Variants in SMOC2 observed in about 807,000 individuals in gnomAD.
The protein encoded by SMOC2 is SPARC related modular calcium binding 2.
In SMOC2, 39 loss-of-function variants were observed where a neutral mutation model predicts 61.4. The ratio of observed to expected loss-of-function variants is 0.64; its 90% CI spans 0.49 to 0.83. The LOEUF is 0.83. SMOC2 is among the 40% of genes least tolerant of loss of function. The pLI is 0.00. For synonymous variants in SMOC2, 247 were observed against 239.9 expected, an observed-to-expected ratio of 1.03 and a Z score of -0.27; for missense variants, 556 against 592.9, an observed-to-expected ratio of 0.94 and a Z score of 0.65.
intron 9 of SMOC2, among the ~76,000 whole-genome samples, chr6:168,624,503 A>T (rs1786331825): frequency 6.6e-6 from 1 of 152,202 alleles, no homozygotes; most frequent in African/African-American, 2.4e-5. Flanking sequence ...GCACAAAGAC[A>T]CACAGACACA....
At chr6:168,518,810 T>A (rs1422176340) in intron 2 of SMOC2, among the ~76,000 whole-genome samples, 1 of 145,010 alleles carries the variant, frequency 6.9e-6, no homozygotes, top group Non-Finnish European at 1.5e-5. Context: ...TGTGTGTGAA[T>A]GCATGTTTAT....
chr6:168,603,612 C>T lies in SMOC2; in HGVS notation c.825-4545C>T, dbSNP rs531467278. On this transcript the variant is annotated intron_variant, in intron 8 of 12. Coordinates refer to ENST00000356284, the MANE Select transcript of SMOC2 (RefSeq NM_001166412.2). ...AAAACAGGTACAGTCCATGCTTCCACGGAGCCTGCATGATAATGGGAAGAT... is the reference window on the plus strand; with the variant it reads ...AAAACAGGTACAGTCCATGCTTCCATGGAGCCTGCATGATAATGGGAAGAT... 2.6e-5 allele frequency among the ~76,000 whole-genome samples: 4 copies of T among 152,136 alleles called. No homozygotes were observed. The East Asian group carries it at 5.8e-4, about 22-fold the overall frequency.
chr6:168,471,558 C>T (rs1381492462), intron 1 of SMOC2, among the ~76,000 whole-genome samples: 2 of 152,156 alleles, frequency 1.3e-5, no homozygotes, highest in Non-Finnish European at 1.5e-5. Context: ...TCAGTTCTCA[C>T]GGATATATAC....
chr6:168,476,744 A>G (rs999960218), intron 1 of SMOC2, among the ~76,000 whole-genome samples: 1 of 152,106 alleles, frequency 6.6e-6, no homozygotes, highest in East Asian at 1.9e-4. Context: ...ATTGCAGAGA[A>G]CAACATTGTA....
chr6:168,613,610 T>C (rs78875727), intron 9 of SMOC2, among the ~76,000 whole-genome samples: 35,426 of 141,812 alleles, frequency 0.25, 4,481 homozygotes, highest in East Asian at 0.26. Context: ...CCTCTTCACA[T>C]CTACAGCCAG....
At chr6:168,589,154 C>T (rs938552068) in intron 7 of SMOC2, among the ~76,000 whole-genome samples, 25 of 151,154 alleles carry the variant, frequency 1.7e-4, no homozygotes, top group African/African-American at 4.9e-4. Context: ...CTAAACTAGA[C>T]GTGAATTATG....
chr6:168,441,273 A>G lies in SMOC2; in HGVS notation c.-98A>G. 7.2e-7 allele frequency: 1 copy of G among 1,381,906 alleles called. No homozygotes were observed. Among genetic ancestry groups the G allele is most frequent in the Non-Finnish European group, 9.3e-7 (1 of 1,078,166 alleles). The allele number at this position is 1,381,906 out of a possible 1,614,324, so 85.6% of individuals were successfully genotyped here. A position where few individuals can be genotyped will look rare whatever the true frequency, so the allele number is the denominator to read the frequency against. On this transcript the variant is annotated 5_prime_UTR_variant, in exon 1 of 13. Transcript: ENST00000356284. ...GAGAGCATCGCGGAGCCGCCCCTCCACGCGCCCGCCCAGCCGCGCTCGCCC... is the reference window on the plus strand; with the variant it reads ...GAGAGCATCGCGGAGCCGCCCCTCCGCGCGCCCGCCCAGCCGCGCTCGCCC...
chr6:168,492,255 G>T (rs1782486380), intron 1 of SMOC2, among the ~76,000 whole-genome samples: 1 of 152,138 alleles, frequency 6.6e-6, no homozygotes, highest in Non-Finnish European at 1.5e-5. Flanking sequence ...CCGTTGGCTG[G>T]CCCCATCCTC....
intron 9 of SMOC2, among the ~76,000 whole-genome samples, chr6:168,624,753 TCACAGACACATGCA>T (rs1786349728): frequency 1.0e-5 from 1 of 95,474 alleles, no homozygotes; most frequent in Non-Finnish European, 2.2e-5. Context: ...TCACACACAC[TCACAGACACATGCA>T]CACAGACACA....
intron 11 of SMOC2, among the ~76,000 whole-genome samples, chr6:168,663,264 A>G (rs1024223075): frequency 1.3e-5 from 2 of 152,188 alleles, no homozygotes; most frequent in African/African-American, 4.8e-5. Flanking sequence ...TTTCCCAGGA[A>G]GCTCCGCTGT....
At chr6:168,637,964 C>T (rs377747313) in intron 9 of SMOC2, among the ~76,000 whole-genome samples, 7 of 152,088 alleles carry the variant, frequency 4.6e-5, no homozygotes, top group South Asian at 4.2e-4. Flanking sequence ...GGGAGCCAGG[C>T]GTGCCCCTGC....
intron 7 of SMOC2, among the ~76,000 whole-genome samples, chr6:168,560,094 G>A (rs562793518): frequency 1.3e-5 from 2 of 152,292 alleles, no homozygotes; most frequent in African/African-American, 4.8e-5. Context: ...TAAAAAGACA[G>A]CTTTATGTTT....
chr6:168,467,366 G>C (rs1006542902), intron 1 of SMOC2, among the ~76,000 whole-genome samples: 5 of 151,624 alleles, frequency 3.3e-5, no homozygotes, highest in African/African-American at 1.2e-4. Context: ...GAGTGCAGTG[G>C]AGCAATCTCA....
chr6:168,609,958 T>C (rs906788003), intron 9 of SMOC2, among the ~76,000 whole-genome samples: 3 of 152,250 alleles, frequency 2.0e-5, no homozygotes, highest in Non-Finnish European at 4.4e-5. Context: ...GGCTGGCTTC[T>C]GCTGCCTCTC....
rs1425889620 is a variant in SMOC2 at position 168,600,417 on chromosome 6, AAAAAC to A, written c.824+1418_824+1422del. Among the ~76,000 whole-genome samples the A allele has an allele frequency of 3.9e-4, 9 of 23,098 alleles. 1 individual carries two copies. The highest frequency in any genetic ancestry group is 1.6e-3 in the East Asian group (1 of 618). The allele number at this position is 23,098 out of a possible 152,430, so 15.2% of individuals were successfully genotyped here. A position where few individuals can be genotyped will look rare whatever the true frequency, so the allele number is the denominator to read the frequency against. ...AGCGAAACTCTGCCTCAAAAAAAAAAAAAACAAAAAAAAAAACAAAAAAAAAAACA... is the reference window on the plus strand; with the variant it reads ...AGCGAAACTCTGCCTCAAAAAAAAAAAAAAAAAAAAACAAAAAAAAAAACA... On this transcript the variant is annotated intron_variant, in intron 8 of 12. Transcript: ENST00000356284.
At chr6:168,538,351 G>GT (rs1236560399) in intron 4 of SMOC2, among the ~76,000 whole-genome samples, 2 of 140,468 alleles carry the variant, frequency 1.4e-5, no homozygotes, top group Non-Finnish European at 3.1e-5. Context: ...CTGGAATGTG[G>GT]GGAGTGGGGT....
At chr6:168,509,157 C>T (rs181463703) in intron 1 of SMOC2, among the ~76,000 whole-genome samples, 28 of 152,202 alleles carry the variant, frequency 1.8e-4, no homozygotes, top group African/African-American at 6.3e-4. Context: ...CGGTGAGCTC[C>T]GAAGTCTGTG....
chr6:168,555,947 C>G (rs963542560), intron 7 of SMOC2, among the ~76,000 whole-genome samples: 17 of 152,170 alleles, frequency 1.1e-4, no homozygotes, highest in African/African-American at 3.6e-4. Flanking sequence ...GGCCAGACAC[C>G]GCTGGGGGCA....
intron 2 of SMOC2, among the ~76,000 whole-genome samples, chr6:168,515,347 G>A (rs571931686): frequency 1.8e-4 from 27 of 152,308 alleles, no homozygotes; most frequent in African/African-American, 2.4e-4. Context: ...ATCAGTCTGC[G>A]GAGAGACTGT....
Sources: allele counts gnomAD v4.1 joint callset (sites outside exome capture counted in the v4.1 genomes callset), GRCh38; gene constraint gnomAD v4.1.1; transcripts MANE v1.5; gene names NCBI Gene and HGNC (gene_info 2026-07-23, HGNC 2026-07-21).